Variants in NRXN3 observed in about 807,000 individuals in gnomAD.
NRXN3 encodes neurexin 3.
In NRXN3, 32 loss-of-function variants were observed where a neutral mutation model predicts 137.6. That is an observed-to-expected ratio of 0.23 (90% CI 0.18 to 0.31). The LOEUF (loss-of-function observed/expected upper bound fraction) is 0.31. Among genes scored for constraint, NRXN3 ranks in the 10% least tolerant of loss-of-function variants. The probability of loss-of-function intolerance (pLI) is 1.00; values close to 1 mark genes in which losing one functional copy is unlikely to be tolerated. For synonymous variants in NRXN3, 798 were observed against 784.5 expected (o/e 1.02, Z -0.29); for missense variants, 1,574 against 2,062.5 (o/e 0.76, Z 4.59).
At chr14:78,875,005 GA>G (rs1267565030) in intron 10 of NRXN3, among the ~76,000 whole-genome samples, 1 of 152,220 alleles carries the variant, frequency 6.6e-6, no homozygotes, top group Non-Finnish European at 1.5e-5. Flanking sequence ...ATTGGTTATG[GA>G]AGAAATTCCC....
chr14:79,454,391 T>C (rs1004293521), intron 15 of NRXN3, among the ~76,000 whole-genome samples: 2 of 152,090 alleles, frequency 1.3e-5, no homozygotes, highest in Non-Finnish European at 2.9e-5. Context: ...TACTTTTGTA[T>C]TTTTAGTAGA....
At chr14:78,555,296 A>G (rs1202350927) in intron 4 of NRXN3, among the ~76,000 whole-genome samples, 1 of 152,204 alleles carries the variant, frequency 6.6e-6, no homozygotes, top group Non-Finnish European at 1.5e-5. Flanking sequence ...GGTAGTACAG[A>G]GTTTTAAAGA....
intron 19 of NRXN3, among the ~76,000 whole-genome samples, chr14:79,718,829 C>A (rs892535031): frequency 6.6e-6 from 1 of 152,056 alleles, no homozygotes; most frequent in African/African-American, 2.4e-5. Context: ...TCATCATCAA[C>A]CCAGATTCCT....
chr14:79,004,284 A>G (rs896276128), intron 15 of NRXN3, among the ~76,000 whole-genome samples: 2 of 151,924 alleles, frequency 1.3e-5, no homozygotes, highest in African/African-American at 2.4e-5. Flanking sequence ...TTTAGACTGT[A>G]TCTCACTTTA....
intron 4 of NRXN3, among the ~76,000 whole-genome samples, chr14:78,308,629 A>G (rs951187947): frequency 6.6e-6 from 1 of 152,128 alleles, no homozygotes; most frequent in African/African-American, 2.4e-5. Flanking sequence ...CTTAAAGATA[A>G]GCTAATGACT....
At chr14:78,978,130 A>T (rs867884776) in intron 14 of NRXN3, among the ~76,000 whole-genome samples, 2 of 152,146 alleles carry the variant, frequency 1.3e-5, no homozygotes, top group African/African-American at 4.8e-5. Context: ...TTTTTCACTG[A>T]TCACTCTAAT....
chr14:78,211,264 G>A lies in NRXN3; in HGVS notation c.-703-31127G>A, dbSNP rs537907109. Among the ~76,000 whole-genome samples, 4 of 152,366 alleles carry A rather than the reference G, an allele frequency of 2.6e-5. No individual in the cohort carries two copies. The South Asian group carries it at 8.3e-4, about 32-fold the overall frequency. On this transcript the variant is annotated intron_variant, in intron 1 of 20. Coordinates refer to ENST00000335750, the MANE Select transcript of NRXN3 (RefSeq NM_001330195.2). Reference sequence around the variant, plus strand: ...ACTCTTTGTCCTGTCACCTCCTAGAGTCTGGTCTTTCTCTTTTGGGCTAGG... The same window carrying A: ...ACTCTTTGTCCTGTCACCTCCTAGAATCTGGTCTTTCTCTTTTGGGCTAGG...
At chr14:79,652,387 T>G (rs1007209810) in intron 16 of NRXN3, among the ~76,000 whole-genome samples, 1 of 141,084 alleles carries the variant, frequency 7.1e-6, no homozygotes. Flanking sequence ...ATGAGTTCAC[T>G]ATAAACTCAT....
In NRXN3 at chr14:78,216,530, C is replaced by T. The variant is rs529848013; in HGVS notation, c.-703-25861C>T. 1.1e-4 allele frequency among the ~76,000 whole-genome samples: 17 copies of T among 152,226 alleles called. No individual in the cohort carries two copies. In the South Asian group the frequency reaches 3.3e-3, roughly 30 times the overall value. On this transcript the variant is annotated intron_variant, in intron 1 of 20. Coordinates refer to ENST00000335750, the MANE Select transcript of NRXN3 (RefSeq NM_001330195.2). Reference sequence around the variant, plus strand: ...TTTCTTGTTCTCTAGCTGGCCAGAGCCCCTGAGCTTCCCTGTGGCTGGCAA... The same window carrying T: ...TTTCTTGTTCTCTAGCTGGCCAGAGTCCCTGAGCTTCCCTGTGGCTGGCAA...
intron 4 of NRXN3, among the ~76,000 whole-genome samples, chr14:78,315,759 A>G (rs1567238359): frequency 2.0e-5 from 3 of 151,830 alleles, no homozygotes; most frequent in African/African-American, 4.8e-5. Flanking sequence ...ATATCTCAGC[A>G]TTTTTTTTCC....
intron 4 of NRXN3, among the ~76,000 whole-genome samples, chr14:78,404,193 T>C (rs2092323912): frequency 7.9e-6 from 1 of 126,226 alleles, no homozygotes; most frequent in Non-Finnish European, 1.6e-5. Flanking sequence ...AGCTGTGATG[T>C]TCCCTATTTT....
intron 8 of NRXN3, among the ~76,000 whole-genome samples, chr14:78,738,366 G>C (rs899221867): frequency 6.6e-6 from 1 of 152,158 alleles, no homozygotes; most frequent in Non-Finnish European, 1.5e-5. Context: ...TCACCCGTTC[G>C]AGGAATGAGT....
intron 1 of NRXN3, among the ~76,000 whole-genome samples, chr14:78,225,822 T>G (rs1350032877): frequency 6.6e-6 from 1 of 152,136 alleles, no homozygotes; most frequent in Non-Finnish European, 1.5e-5. Context: ...AACCATTCAT[T>G]CTTTAATCTA....
intron 9 of NRXN3, among the ~76,000 whole-genome samples, chr14:78,806,034 A>G (rs1472570907): frequency 6.9e-6 from 1 of 145,366 alleles, no homozygotes; most frequent in Non-Finnish European, 1.5e-5. Flanking sequence ...GTGCTTTTCC[A>G]ATAGACTTTG....
intron 15 of NRXN3, among the ~76,000 whole-genome samples, chr14:79,398,827 T>C (rs2370979): frequency 0.35 from 53,220 of 151,442 alleles, 9,616 homozygotes; most frequent in Admixed American, 0.4. Flanking sequence ...CTGGCCAAAA[T>C]GGTGAAACCC....
chr14:79,175,002 G>A (rs1252367329), intron 15 of NRXN3, among the ~76,000 whole-genome samples: 18 of 144,720 alleles, frequency 1.2e-4, no homozygotes, highest in Admixed American at 2.8e-4. Context: ...TTTTTCTGAG[G>A]CGGAGTCTCT....
chr14:78,962,768 C>A lies in NRXN3; in HGVS notation c.2396-3257C>A, dbSNP rs532450929. On this transcript the variant is annotated intron_variant, in intron 11 of 20. Coordinates refer to ENST00000335750, the MANE Select transcript of NRXN3 (RefSeq NM_001330195.2). ...TTGCTTTGTCACCCAGGCTGGAGTG[C>A]GGTGGCATGATGTCGACTCACTGCA... Among the ~76,000 whole-genome samples the A allele has an allele frequency of 2.3e-4, 35 of 151,852 alleles. No individual in the cohort carries two copies. The East Asian group carries it at 5.6e-3, about 24-fold the overall frequency.
chr14:79,267,360 A>ATTTTTT (rs398043882), intron 15 of NRXN3, among the ~76,000 whole-genome samples: 1 of 143,008 alleles, frequency 7.0e-6, no homozygotes, highest in African/African-American at 2.6e-5. Flanking sequence ...AGATCATTTA[A>ATTTTTT]TTTTTTTTTT....
intron 8 of NRXN3, among the ~76,000 whole-genome samples, chr14:78,734,547 C>G (rs1176022617): frequency 6.6e-6 from 1 of 152,098 alleles, no homozygotes; most frequent in Non-Finnish European, 1.5e-5. Flanking sequence ...AGTCTAGTGA[C>G]AGGAGAAAGA....
Sources: gnomAD v4.1 joint callset for allele counts (sites outside exome capture counted in the v4.1 genomes callset) on GRCh38, gnomAD v4.1.1 for gene constraint, MANE v1.5 for transcripts, NCBI Gene and HGNC (gene_info 2026-07-23, HGNC 2026-07-21) for gene names.